HDAC3: variants seen among roughly 807,000 people sequenced by gnomAD.
HDAC3 encodes histone deacetylase 3.
HDAC3 carries 21 observed loss-of-function variants against 62.3 expected under a neutral mutation model. The ratio of observed to expected loss-of-function variants is 0.34; its 90% CI spans 0.24 to 0.49. HDAC3 has a LOEUF of 0.49. HDAC3 is among the 20% of genes least tolerant of loss of function. HDAC3 has a pLI of 0.99. For missense variants in HDAC3, 270 were observed against 556.9 expected, an observed-to-expected ratio of 0.48 and a Z score of 5.19; for synonymous variants, 198 against 206.5, an observed-to-expected ratio of 0.96 and a Z score of 0.35.
At position 141,629,561 on chromosome 5, in the gene HDAC3, A is replaced by G. The variant is rs1011790397; in HGVS notation, c.476+123T>C. ...CAGCAGTGGAAGAGGCAGCCTGAAT[A>G]AAGCATCAAGAACTTGGGAGAAGCT... On this transcript the variant is annotated intron_variant, in intron 6 of 14. Coordinates refer to ENST00000305264, the MANE Select transcript of HDAC3 (RefSeq NM_003883.4). The surrounding 1 kb of genome is among the most constrained non-coding windows in gnomAD (Gnocchi z 5.3). 1.9e-5 allele frequency: 20 copies of G among 1,048,462 alleles called. No homozygotes were observed. The highest frequency in any genetic ancestry group is 2.6e-5 in the Non-Finnish European group (18 of 697,834). 64.9% of individuals were successfully genotyped at this position (1,048,462 alleles called of 1,614,324 possible).
chr5:141,623,169 A>G (rs1417793956), intron 14 of HDAC3, among the ~76,000 whole-genome samples: 1 of 152,154 alleles, frequency 6.6e-6, no homozygotes, highest in African/African-American at 2.4e-5. Flanking sequence ...TGAGCCTTAG[A>G]TTCCTCCCGT....
rs758539370 is a variant in HDAC3, at chr5:141,625,268, G to A, written c.1157C>T (p.Thr386Ile). The A allele has an allele frequency of 1.2e-5, 19 of 1,614,128 alleles. No homozygotes were observed. The South Asian group carries it at 2.1e-4, about 18-fold the overall frequency. ...ATCAGCCTCATCAGTCCTGTCATAGGTCAGGAGGTCTGCAGGCACGTCATG... is the reference window on the plus strand; with the variant it reads ...ATCAGCCTCATCAGTCCTGTCATAGATCAGGAGGTCTGCAGGCACGTCATG... The part of the protein sequence containing the change: ...QIHDVPADLL[T>I]YDRTDEADAE... Residue 386 changes from threonine to isoleucine, a missense_variant, in exon 14 of 15, where the codon ACC becomes ATC. Coordinates refer to ENST00000305264, the MANE Select transcript of HDAC3 (RefSeq NM_003883.4). This position sits in a 1 kb window ranked among gnomAD's most constrained non-coding sequence, Gnocchi z 4.0.
intron 2 of HDAC3, chr5:141,635,993 G>T (rs1470620572): frequency 1.3e-5 from 2 of 153,048 alleles, no homozygotes; most frequent in African/African-American, 4.8e-5. Flanking sequence ...TGAAAAACTG[G>T]ATAGCGATTA....
In HDAC3 at chr5:141,626,605, G is replaced by A. The variant is rs1347147060; in HGVS notation, c.831-322C>T. On this transcript the variant is annotated intron_variant, in intron 10 of 14. Transcript: ENST00000305264. The surrounding 1 kb of genome is among the most constrained non-coding windows in gnomAD (Gnocchi z 4.6). ...AAATATAACTCACGCCCGGCGCGGTGCTCACGCCTTTGTAGTAGTCCCAGC... is the reference window on the plus strand; with the variant it reads ...AAATATAACTCACGCCCGGCGCGGTACTCACGCCTTTGTAGTAGTCCCAGC... 4 of 336,140 alleles carry A rather than the reference G, an allele frequency of 1.2e-5. No individual in the cohort carries two copies. The Admixed American group carries it at 1.6e-4, about 13-fold the overall frequency. The allele number at this position is 336,140 out of a possible 1,614,324, so 20.8% of individuals were successfully genotyped here. A position where few individuals can be genotyped will look rare whatever the true frequency, so the allele number is the denominator to read the frequency against.
chr5:141,633,613 G>T (rs2099905542), intron 3 of HDAC3, among the ~76,000 whole-genome samples: 2 of 152,104 alleles, frequency 1.3e-5, no homozygotes, highest in East Asian at 3.9e-4. Flanking sequence ...ATCACCTGAG[G>T]TCAGGAGTTC....
At position 141,629,394 on chromosome 5, in the gene HDAC3, T is replaced by A. The variant is rs2099904883; in HGVS notation, c.477-88A>T. On this transcript the variant is annotated intron_variant, in intron 6 of 14. Coordinates refer to ENST00000305264, the MANE Select transcript of HDAC3 (RefSeq NM_003883.4). The surrounding 1 kb of genome is among the most constrained non-coding windows in gnomAD (Gnocchi z 5.3). ...ACACCGGGTCTCGAATTGTGAAGAG[T>A]CTGCTTCTGCCCTGGTCACCTGAAA... 5 of 1,568,128 alleles carry A rather than the reference T, an allele frequency of 3.2e-6. No individual in the cohort carries two copies. The highest frequency in any genetic ancestry group is 2.1e-4 in the Middle Eastern group (1 of 4,694).
chr5:141,625,261 G>A lies in HDAC3; in HGVS notation c.1164C>T (p.Asp388=). The stretch of plus-strand genomic sequence containing the variant: ...CCTCTGCATCAGCCTCATCAGTCCT[G>A]TCATAGGTCAGGAGGTCTGCAGGCA... ...HDVPADLLTY[D]RTDEADAEER... Residue 388 remains aspartate (D), a synonymous_variant, in exon 14 of 15, where the codon GAC becomes GAT. Transcript: ENST00000305264. This position sits in a 1 kb window ranked among gnomAD's most constrained non-coding sequence, Gnocchi z 4.0. 6.2e-7 allele frequency: 1 copy of A among 1,614,150 alleles called. No individual in the cohort carries two copies. The highest frequency in any genetic ancestry group is 2.2e-5 in the East Asian group (1 of 44,886).
chr5:141,629,624 TGA>T lies in HDAC3; in HGVS notation c.476+58_476+59del, dbSNP rs1167859569. Reference sequence around the variant, plus strand: ...GGGAGGTCAAGGTCAGGGTTGAGACTGAGAGACCTCCTCAGCCAAGAATCCCG... The same window carrying T: ...GGGAGGTCAAGGTCAGGGTTGAGACTGAGACCTCCTCAGCCAAGAATCCCG... On this transcript the variant is annotated intron_variant, in intron 6 of 14. Transcript: ENST00000305264. The surrounding 1 kb of genome is among the most constrained non-coding windows in gnomAD (Gnocchi z 5.3). 10 of 1,544,550 alleles carry T rather than the reference TGA, an allele frequency of 6.5e-6. No homozygotes were observed. The highest frequency in any genetic ancestry group is 2.7e-5 in the African/African-American group (2 of 73,534).
chr5:141,621,093 G>A lies in HDAC3; in HGVS notation c.*375C>T, dbSNP rs72792332. On this transcript the variant is annotated 3_prime_UTR_variant, in exon 15 of 15. Coordinates refer to ENST00000305264, the MANE Select transcript of HDAC3 (RefSeq NM_003883.4). ...AGGGGAGGAAGAAGTCAGAACCCAG[G>A]GGAGGAGGAAGTCAGAGGCAATCTC... The A allele has an allele frequency of 0.024, 5,685 of 238,078 alleles. 112 individuals carry two copies. Among genetic ancestry groups the A allele is most frequent in the East Asian group, 0.044 (271 of 6,224 alleles). The allele number at this position is 238,078 out of a possible 1,614,324, so 14.7% of individuals were successfully genotyped here. A position where few individuals can be genotyped will look rare whatever the true frequency, so the allele number is the denominator to read the frequency against.
chr5:141,636,309 C>T, intron 2 of HDAC3: 1 of 568,602 alleles, frequency 1.8e-6, no homozygotes, highest in Non-Finnish European at 3.2e-6. Context: ...TAACCCTAGG[C>T]CAAGGGCTAG....
At chr5:141,632,772 G>A (rs2099905407) in intron 3 of HDAC3, among the ~76,000 whole-genome samples, 2 of 152,210 alleles carry the variant, frequency 1.3e-5, no homozygotes, top group South Asian at 2.1e-4. Flanking sequence ...AGGCTGAGAA[G>A]GCCTTGAAGA....
At position 141,629,121 on chromosome 5, in the gene HDAC3, CAT is replaced by C; in HGVS notation, c.610+50_610+51del. 1.3e-6 allele frequency: 2 copies of C among 1,593,334 alleles called. No homozygotes were observed. Among genetic ancestry groups the C allele is most frequent in the Non-Finnish European group, 1.7e-6 (2 of 1,165,400 alleles). On this transcript the variant is annotated intron_variant, in intron 7 of 14. Coordinates refer to ENST00000305264, the MANE Select transcript of HDAC3 (RefSeq NM_003883.4). The surrounding 1 kb of genome is among the most constrained non-coding windows in gnomAD (Gnocchi z 5.3). ...ACTAGAAGGCTGAGAAGGAGGCACT[CAT>C]AGTAAAGAGCTGAAGGGTGCAAAGG...
intron 14 of HDAC3, among the ~76,000 whole-genome samples, chr5:141,622,734 A>G (rs1218123701): frequency 6.6e-6 from 1 of 152,230 alleles, no homozygotes; most frequent in African/African-American, 2.4e-5. Context: ...AGTTACTTCT[A>G]AGTGCACAGG....
In HDAC3 at chr5:141,628,448, A is replaced by G; in HGVS notation, c.691+111T>C. 1 of 890,872 alleles carries G rather than the reference A, an allele frequency of 1.1e-6. No homozygotes were observed. Among genetic ancestry groups the G allele is most frequent in the East Asian group, 2.4e-5 (1 of 41,240 alleles). The allele number at this position is 890,872 out of a possible 1,614,324, so 55.2% of individuals were successfully genotyped here. On this transcript the variant is annotated intron_variant, in intron 8 of 14. Transcript: ENST00000305264. The surrounding 1 kb of genome is among the most constrained non-coding windows in gnomAD (Gnocchi z 4.7). ...GAGATTCATGGTCCCTCTGAAGGCC[A>G]TTCATCCTTAAGGACAACTGGCCCA...
At position 141,634,965 on chromosome 5, in the gene HDAC3, G is replaced by C; in HGVS notation, c.139-12C>G. On this transcript the variant is annotated splice_polypyrimidine_tract_variant and intron_variant, in intron 2 of 14. Transcript: ENST00000305264. ...TATGGCTTGAAGACCTCGGGATGGA[G>C]ACACAAGATGAACCCAGGCAGGGTC... The C allele has an allele frequency of 1.2e-6, 2 of 1,612,962 alleles. No homozygotes were observed. Among genetic ancestry groups the C allele is most frequent in the Non-Finnish European group, 1.7e-6 (2 of 1,179,836 alleles).
chr5:141,628,010 T>G lies in HDAC3; in HGVS notation c.766-53A>C. The G allele has an allele frequency of 6.2e-7, 1 of 1,606,424 alleles. No individual in the cohort carries two copies. Among genetic ancestry groups the G allele is most frequent in the African/African-American group, 1.3e-5 (1 of 74,878 alleles). On this transcript the variant is annotated intron_variant, in intron 9 of 14. Transcript: ENST00000305264. The surrounding 1 kb of genome is among the most constrained non-coding windows in gnomAD (Gnocchi z 4.7). ...GCAGTGATCAGAACTGATCAGAACA[T>G]CACAGATACCCCTTCCACCACCAAC...
At chr5:141,624,993 A>C (rs1478681281) in intron 14 of HDAC3, 2 of 532,136 alleles carry the variant, frequency 3.8e-6, no homozygotes, top group Non-Finnish European at 6.6e-6. Context: ...GATTGTGTGA[A>C]CGCCAACACC....
Position 141,629,847 on chromosome 5 carries a change from C to A in HDAC3, c.420+13G>T, listed in dbSNP as rs369141800. 1.9e-6 allele frequency: 3 copies of A among 1,614,126 alleles called. No individual in the cohort carries two copies. The highest frequency in any genetic ancestry group is 2.5e-6 in the Non-Finnish European group (3 of 1,179,970). On this transcript the variant is annotated intron_variant, in intron 5 of 14. Transcript: ENST00000305264. This position sits in a 1 kb window ranked among gnomAD's most constrained non-coding sequence, Gnocchi z 5.3. ...AGGATGGCCACTGTCTTTCCCATCA[C>A]CTCCTCACTCACCTCAAACTTCTTG...
rs746487854 is a variant in HDAC3, at chr5:141,630,145, G to A, written c.282-20C>T. ...ACTGGGCTGCAGGGAAGAGGAACAA[G>A]TTGGAACCCTCCTGCCTCTGTCTGG... On this transcript the variant is annotated intron_variant, in intron 3 of 14. Coordinates refer to ENST00000305264, the MANE Select transcript of HDAC3 (RefSeq NM_003883.4). 2.5e-6 allele frequency: 4 copies of A among 1,611,258 alleles called. No homozygotes were observed. Among genetic ancestry groups the A allele is most frequent in the Non-Finnish European group, 3.4e-6 (4 of 1,178,316 alleles).
Sources: gnomAD v4.1 joint callset for allele counts (sites outside exome capture counted in the v4.1 genomes callset) on GRCh38, gnomAD v4.1.1 for gene constraint, Gnocchi (gnomAD v3.1) non-coding constraint, MANE v1.5 for transcripts, NCBI Gene and HGNC (gene_info 2026-07-23, HGNC 2026-07-21) for gene names.